Variants in ATRNL1 observed in about 807,000 individuals in gnomAD.
The protein encoded by ATRNL1 is attractin like 1.
ATRNL1 carries 95 observed loss-of-function variants against 182.7 expected under a neutral mutation model. The ratio of observed to expected loss-of-function variants is 0.52; its 90% CI spans 0.44 to 0.62. The LOEUF is 0.62. Among genes scored for constraint, ATRNL1 ranks in the 20% least tolerant of loss-of-function variants. ATRNL1 has a pLI of 0.00. For synonymous variants in ATRNL1, 576 were observed against 568.3 expected, an observed-to-expected ratio of 1.01 and a Z score of -0.19; for missense variants, 1,471 against 1,679.5, an observed-to-expected ratio of 0.88 and a Z score of 2.17.
intron 19 of ATRNL1, among the ~76,000 whole-genome samples, chr10:115,367,570 G>A (rs1322447279): frequency 3.3e-5 from 5 of 152,052 alleles, no homozygotes; most frequent in South Asian, 2.1e-4. Flanking sequence ...GAGGAACTGC[G>A]TCCCTTTGGA....
chr10:115,205,285 G>A (rs1899721), intron 8 of ATRNL1, among the ~76,000 whole-genome samples: 45,195 of 151,096 alleles, frequency 0.3, 6,952 homozygotes, highest in African/African-American at 0.33. Context: ...GACTTTGCCT[G>A]TTTTTTTTCA....
In ATRNL1 at chr10:115,510,362, T is replaced by C. The variant is rs549630893; in HGVS notation, c.3655-8901T>C. Among the ~76,000 whole-genome samples, 10 of 152,140 alleles carry C rather than the reference T, an allele frequency of 6.6e-5. No homozygotes were observed. The South Asian group carries it at 1.9e-3, about 28-fold the overall frequency. ...CTTTCCTGAAAGGTGCAGTCAGTCA[T>C]TGTGGCAAATATCATTGTTGTCTTA... On this transcript the variant is annotated intron_variant, in intron 24 of 28. Transcript: ENST00000355044.
intron 24 of ATRNL1, among the ~76,000 whole-genome samples, chr10:115,506,922 G>A (rs1420436843): frequency 8.5e-5 from 13 of 152,080 alleles, no homozygotes; most frequent in African/African-American, 3.1e-4. Flanking sequence ...TATTTGCCAA[G>A]GTTGAGGACA....
intron 5 of ATRNL1, among the ~76,000 whole-genome samples, chr10:115,157,774 C>G (rs1266315202): frequency 6.6e-6 from 1 of 151,986 alleles, no homozygotes; most frequent in Non-Finnish European, 1.5e-5. Context: ...AGGTAAAATC[C>G]AAAGCTTCTG....
In ATRNL1 at chr10:115,196,881, T is replaced by C. The variant is rs148844808; in HGVS notation, c.1349-18816T>C. 3.6e-3 allele frequency among the ~76,000 whole-genome samples: 541 copies of C among 152,250 alleles called. 2 individuals carry two copies. The highest frequency in any genetic ancestry group is 0.013 in the African/African-American group (522 of 41,568). On this transcript the variant is annotated intron_variant, in intron 8 of 28. Coordinates refer to ENST00000355044, the MANE Select transcript of ATRNL1 (RefSeq NM_207303.4). Reference sequence around the variant, plus strand: ...GTTTTACTCTTTCTTTTTCAGTGTGTATGCCTTTTACTAATTTTCTTTGTC... The same window carrying C: ...GTTTTACTCTTTCTTTTTCAGTGTGCATGCCTTTTACTAATTTTCTTTGTC...
At chr10:115,362,114 C>T (rs1175758930) in intron 19 of ATRNL1, among the ~76,000 whole-genome samples, 3 of 151,926 alleles carry the variant, frequency 2.0e-5, no homozygotes, top group South Asian at 2.1e-4. Flanking sequence ...TTACACTTCT[C>T]ATAACAGCAG....
intron 28 of ATRNL1, among the ~76,000 whole-genome samples, chr10:115,878,625 A>T (rs570929381): frequency 2.9e-4 from 44 of 152,316 alleles, no homozygotes; most frequent in African/African-American, 1.0e-3. Context: ...TCTGTGCAAA[A>T]CAAGGACCTG....
intron 7 of ATRNL1, among the ~76,000 whole-genome samples, chr10:115,168,640 G>T (rs990359015): frequency 2.0e-5 from 3 of 151,880 alleles, no homozygotes; most frequent in Non-Finnish European, 2.9e-5. Context: ...CAAGTCCTTT[G>T]CTTATTTTAA....
intron 19 of ATRNL1, among the ~76,000 whole-genome samples, chr10:115,365,054 T>A (rs1409289670): frequency 3.3e-5 from 5 of 149,506 alleles, no homozygotes; most frequent in Admixed American, 1.3e-4. Context: ...TAGGGAGGAT[T>A]CCCTCTTTTT....
At chr10:115,302,443 C>T (rs1377126306) in intron 17 of ATRNL1, among the ~76,000 whole-genome samples, 1 of 152,026 alleles carries the variant, frequency 6.6e-6, no homozygotes, top group African/African-American at 2.4e-5. Flanking sequence ...TAACCTATAC[C>T]AATTGTTTTG....
chr10:115,476,380 G>T (rs540438100), intron 24 of ATRNL1, among the ~76,000 whole-genome samples: 1 of 151,232 alleles, frequency 6.6e-6, no homozygotes, highest in South Asian at 2.1e-4. Flanking sequence ...TTCTGCTCTT[G>T]TTATTCTTTT....
At position 115,469,233 on chromosome 10, in the gene ATRNL1, A is replaced by G; in HGVS notation, c.3558A>G (p.Arg1186=). 6.8e-7 allele frequency: 1 copy of G among 1,479,646 alleles called. No individual in the cohort carries two copies. Among genetic ancestry groups the G allele is most frequent in the Non-Finnish European group, 9.1e-7 (1 of 1,094,198 alleles). 91.7% of individuals were successfully genotyped at this position (1,479,646 alleles called of 1,614,324 possible). A position where few individuals can be genotyped will look rare whatever the true frequency, so the allele number is the denominator to read the frequency against. Residue 1186 remains arginine, a synonymous_variant, in exon 24 of 29, where the codon AGA becomes AGG. Coordinates refer to ENST00000355044, the MANE Select transcript of ATRNL1 (RefSeq NM_207303.4). The part of the protein sequence containing the change: ...IVSKNNIKEY[R]DSFSYEKFNF... The stretch of plus-strand genomic sequence containing the variant: ...CCAAGAATAATATAAAGGAATACAG[A>G]GATAGTTTTTCCTATGAAAAATTTA...
At chr10:115,793,078 C>T (rs1310417364) in intron 27 of ATRNL1, among the ~76,000 whole-genome samples, 1 of 151,922 alleles carries the variant, frequency 6.6e-6, no homozygotes, top group Non-Finnish European at 1.5e-5. Context: ...AACATTTTTT[C>T]ATCACTACCA....
chr10:115,370,920 G>T (rs1554947865), intron 19 of ATRNL1, among the ~76,000 whole-genome samples: 1 of 152,122 alleles, frequency 6.6e-6, no homozygotes, highest in Non-Finnish European at 1.5e-5. Flanking sequence ...ATTTTTTGTA[G>T]GCCAGGCCCA....
chr10:115,417,854 C>T (rs958858602), intron 20 of ATRNL1, among the ~76,000 whole-genome samples: 1 of 152,152 alleles, frequency 6.6e-6, no homozygotes, highest in South Asian at 2.1e-4. Flanking sequence ...AGACTGCCCT[C>T]TAGTGTTTAG....
intron 28 of ATRNL1, among the ~76,000 whole-genome samples, chr10:115,858,687 G>A (rs1379541455): frequency 1.3e-5 from 2 of 152,012 alleles, no homozygotes; most frequent in Non-Finnish European, 2.9e-5. Flanking sequence ...CATGGACCTC[G>A]GAACTTAAAA....
intron 13 of ATRNL1, among the ~76,000 whole-genome samples, chr10:115,276,806 G>A (rs912852577): frequency 8.5e-5 from 13 of 152,074 alleles, no homozygotes; most frequent in African/African-American, 2.9e-4. Flanking sequence ...CAGAATAATA[G>A]CTTTCTTTTA....
chr10:115,272,319 T>C (rs914036728), intron 13 of ATRNL1, among the ~76,000 whole-genome samples: 2 of 152,192 alleles, frequency 1.3e-5, no homozygotes, highest in Non-Finnish European at 2.9e-5. Context: ...ATATTCTTCC[T>C]AGCCTCCTGT....
intron 8 of ATRNL1, among the ~76,000 whole-genome samples, chr10:115,212,752 A>G (rs977721901): frequency 7.2e-5 from 11 of 152,102 alleles, no homozygotes; most frequent in African/African-American, 2.7e-4. Flanking sequence ...CAGGAACAGA[A>G]AACCAAATAC....
Sources: gnomAD v4.1 joint callset for allele counts (sites outside exome capture counted in the v4.1 genomes callset) on GRCh38, gnomAD v4.1.1 for gene constraint, MANE v1.5 for transcripts, NCBI Gene and HGNC (gene_info 2026-07-23, HGNC 2026-07-21) for gene names.